Variants in EPHA6 observed in about 807,000 individuals in gnomAD.
The protein encoded by EPHA6 is EPH receptor A6, also known as ephrin type-A receptor 6.
EPHA6 carries 50 observed loss-of-function variants against 112.0 expected under a neutral mutation model. That is an observed-to-expected ratio of 0.45 (90% CI 0.36 to 0.56). EPHA6 has a LOEUF of 0.56. EPHA6 is among the 20% of genes least tolerant of loss of function. The probability of loss-of-function intolerance (pLI) is 0.00; values close to 1 mark genes in which losing one functional copy is unlikely to be tolerated. For missense variants in EPHA6, 1,280 were observed against 1,417.4 expected, an observed-to-expected ratio of 0.90 and a Z score of 1.56; for synonymous variants, 529 against 490.7, an observed-to-expected ratio of 1.08 and a Z score of -1.03.
At chr3:97,131,377 A>T (rs945142009) in intron 3 of EPHA6, among the ~76,000 whole-genome samples, 3 of 152,146 alleles carry the variant, frequency 2.0e-5, no homozygotes, top group African/African-American at 7.2e-5. Context: ...ATAGGAACAG[A>T]TCAAGGTGTA....
At chr3:97,356,425 T>C (rs1285597134) in intron 5 of EPHA6, among the ~76,000 whole-genome samples, 1 of 152,212 alleles carries the variant, frequency 6.6e-6, no homozygotes, top group African/African-American at 2.4e-5. Flanking sequence ...GGAAAAATTG[T>C]CTTCCATAAA....
chr3:97,268,657 AAG>A (rs949900993), intron 5 of EPHA6, among the ~76,000 whole-genome samples: 10 of 152,202 alleles, frequency 6.6e-5, no homozygotes, highest in Non-Finnish European at 1.3e-4. Flanking sequence ...TAAAAGAACA[AAG>A]AATATATTTT....
chr3:97,464,582 G>T (rs910238792), intron 7 of EPHA6, among the ~76,000 whole-genome samples: 1 of 152,030 alleles, frequency 6.6e-6, no homozygotes, highest in Non-Finnish European at 1.5e-5. Context: ...AAGCAGATTT[G>T]AATCTGCCCC....
chr3:96,937,831 G>A (rs1439079017), intron 2 of EPHA6, among the ~76,000 whole-genome samples: 1 of 152,110 alleles, frequency 6.6e-6, no homozygotes, highest in Non-Finnish European at 1.5e-5. Context: ...CATATGGCTA[G>A]CCAGTTTTCC....
intron 6 of EPHA6, among the ~76,000 whole-genome samples, chr3:97,416,670 A>G (rs1040265856): frequency 3.3e-5 from 5 of 152,124 alleles, no homozygotes; most frequent in African/African-American, 1.2e-4. Context: ...TATTTATTGC[A>G]CACCTACATG....
At chr3:97,108,770 T>C (rs571431144) in intron 3 of EPHA6, among the ~76,000 whole-genome samples, 20 of 152,188 alleles carry the variant, frequency 1.3e-4, no homozygotes, top group Non-Finnish European at 2.5e-4. Flanking sequence ...GTCATTCTCT[T>C]TGGGACCTTG....
At chr3:97,058,935 G>A (rs1478308292) in intron 3 of EPHA6, among the ~76,000 whole-genome samples, 1 of 152,180 alleles carries the variant, frequency 6.6e-6, no homozygotes, top group Non-Finnish European at 1.5e-5. Context: ...TCTGATCTCA[G>A]GTTAACCTCA....
chr3:97,478,089 C>T (rs1236793150), intron 8 of EPHA6, among the ~76,000 whole-genome samples: 1 of 151,230 alleles, frequency 6.6e-6, no homozygotes, highest in African/African-American at 2.4e-5. Context: ...TTTTATTTAA[C>T]ATCAGTATTA....
chr3:97,602,404 C>G (rs1301832768), intron 12 of EPHA6, among the ~76,000 whole-genome samples: 3 of 151,800 alleles, frequency 2.0e-5, no homozygotes, highest in African/African-American at 4.8e-5. Flanking sequence ...TTCATAATAC[C>G]CTTCCAGGAT....
In EPHA6 at chr3:97,263,219, G is replaced by C. The variant is rs1254099446; in HGVS notation, c.1606+18932G>C. On this transcript the variant is annotated intron_variant, in intron 5 of 17. Coordinates refer to ENST00000389672, the MANE Select transcript of EPHA6 (RefSeq NM_001080448.3). ...TCTGGGGAAGACAAATTATTTTAAA[G>C]AAGAAGTGTTTAAAAGTGTTATAGT... 3.3e-5 allele frequency among the ~76,000 whole-genome samples: 5 copies of C among 152,130 alleles called. No individual in the cohort carries two copies. The East Asian group carries it at 9.6e-4, about 29-fold the overall frequency.
chr3:97,541,758 A>T (rs1560116522), intron 11 of EPHA6, among the ~76,000 whole-genome samples: 2 of 125,024 alleles, frequency 1.6e-5, no homozygotes, highest in African/African-American at 4.1e-5. Context: ...TGTTTTAAAG[A>T]AGTTTGTTGT....
intron 3 of EPHA6, among the ~76,000 whole-genome samples, chr3:97,129,284 G>C (rs2048269696): frequency 6.6e-6 from 1 of 152,028 alleles, no homozygotes; most frequent in South Asian, 2.1e-4. Context: ...CAGATCACGA[G>C]ATCAGGAGAT....
chr3:97,344,235 G>A (rs985235680), intron 5 of EPHA6, among the ~76,000 whole-genome samples: 3 of 152,142 alleles, frequency 2.0e-5, no homozygotes, highest in African/African-American at 4.8e-5. Flanking sequence ...GGGACGAAAT[G>A]TGTGTGTTTT....
chr3:97,023,111 T>C (rs2044518937), intron 3 of EPHA6, among the ~76,000 whole-genome samples: 1 of 152,098 alleles, frequency 6.6e-6, no homozygotes, highest in East Asian at 1.9e-4. Flanking sequence ...TGGAGTCTCA[T>C]TCTGTTGCCC....
At chr3:97,459,218 T>C (rs2090802582) in intron 7 of EPHA6, among the ~76,000 whole-genome samples, 1 of 152,168 alleles carries the variant, frequency 6.6e-6, no homozygotes, top group Non-Finnish European at 1.5e-5. Context: ...ACTGGAAGAA[T>C]GTCAGTATAG....
intron 6 of EPHA6, among the ~76,000 whole-genome samples, chr3:97,437,034 ATT>A (rs565935500): frequency 5.8e-5 from 8 of 137,560 alleles, no homozygotes; most frequent in African/African-American, 1.1e-4. Flanking sequence ...ACATTATGAG[ATT>A]TTTTTTTTTT....
chr3:97,267,181 G>A (rs529284384), intron 5 of EPHA6, among the ~76,000 whole-genome samples: 11 of 152,058 alleles, frequency 7.2e-5, no homozygotes, highest in Admixed American at 2.6e-4. Flanking sequence ...AAAAAGTAAC[G>A]AACTGTTTCA....
rs1437186723 is a variant in EPHA6 at position 96,867,115 on chromosome 3, T to G, written c.450+226T>G. On this transcript the variant is annotated intron_variant, in intron 2 of 17. Coordinates refer to ENST00000389672, the MANE Select transcript of EPHA6 (RefSeq NM_001080448.3). ...TAATTATTCTTTAATACTGTGTTTA[T>G]ACATAGTGACATTAGAATATCTCCC... Among the ~76,000 whole-genome samples, 8 of 152,040 alleles carry G rather than the reference T, an allele frequency of 5.3e-5. No individual in the cohort carries two copies. The South Asian group carries it at 1.7e-3, about 32-fold the overall frequency.
At chr3:96,863,211 A>G (rs2107438982) in intron 1 of EPHA6, among the ~76,000 whole-genome samples, 1 of 152,060 alleles carries the variant, frequency 6.6e-6, no homozygotes, top group South Asian at 2.1e-4. Context: ...TAAAAATGGA[A>G]AAGTATTGGC....
Sources: allele counts gnomAD v4.1 joint callset (sites outside exome capture counted in the v4.1 genomes callset), GRCh38; gene constraint gnomAD v4.1.1; transcripts MANE v1.5; gene names NCBI Gene and HGNC (gene_info 2026-07-23, HGNC 2026-07-21).